FYB2: variants seen among roughly 807,000 people sequenced by gnomAD.
FYB2 encodes the protein FYN binding protein 2, also known as FYN-binding protein 2.
A neutral mutation model predicts 94.1 loss-of-function variants in FYB2; 103 were observed. The observed-to-expected ratio is 1.09, with a 90% CI of 0.93 to 1.29. The LOEUF is 1.29. Ranked by LOEUF, FYB2 falls within the 50% of genes most tolerant of loss-of-function variation. The probability of loss-of-function intolerance (pLI) is 0.00; values close to 1 mark genes in which losing one functional copy is unlikely to be tolerated. For missense variants in FYB2, 896 were observed against 841.5 expected (o/e 1.06, Z -0.80); for synonymous variants, 293 against 287.9 (o/e 1.02, Z -0.18).
At chr1:56,755,853 C>T (rs1040423665) in intron 7 of FYB2, 43 bp downstream of exon 7, 3 of 1,554,380 alleles carry the variant, frequency 1.9e-6, no homozygotes, top group East Asian at 4.5e-5. Context: ...ATCAGAAAGT[C>T]AGTGCTTGGA....
chr1:56,754,516 C>T (rs753720269), intron 7 of FYB2, among the ~76,000 whole-genome samples: 4 of 152,064 alleles, frequency 2.6e-5, no homozygotes, highest in African/African-American at 7.2e-5. Flanking sequence ...GATCTATCTC[C>T]AGTCCCTCCA....
At chr1:56,778,577 T>C (rs539776053) in intron 4 of FYB2, among the ~76,000 whole-genome samples, 2 of 152,152 alleles carry the variant, frequency 1.3e-5, no homozygotes, top group Non-Finnish European at 2.9e-5. Context: ...TGTTCTAGAA[T>C]ATAAAAATAA....
At chr1:56,817,373 T>A (rs1263661979) in intron 1 of FYB2, among the ~76,000 whole-genome samples, 1 of 152,238 alleles carries the variant, frequency 6.6e-6, no homozygotes, top group Non-Finnish European at 1.5e-5. Flanking sequence ...TCTGCTCAAA[T>A]GCCACCTTCC....
rs535904760 is a variant in FYB2, at chr1:56,765,354, C to T, written c.1063+2475G>A. Among the ~76,000 whole-genome samples, 3 of 152,252 alleles carry T rather than the reference C, an allele frequency of 2.0e-5. No homozygotes were observed. The South Asian group carries it at 6.2e-4, about 32-fold the overall frequency. On this transcript the variant is annotated intron_variant, in intron 5 of 19. Coordinates refer to ENST00000343433, the MANE Select transcript of FYB2 (RefSeq NM_001004303.5). ...GGAAGGGGAGTGAAAGTCAAAGTTC[C>T]TCACATAATCTTTATGGACACTAAG...
chr1:56,790,545 A>C (rs1230112253), intron 2 of FYB2, among the ~76,000 whole-genome samples: 2 of 152,112 alleles, frequency 1.3e-5, no homozygotes, highest in Non-Finnish European at 2.9e-5. Context: ...CTTCCCATAC[A>C]TCTTTCTTCC....
chr1:56,801,870 G>A (rs1434660192), intron 1 of FYB2, among the ~76,000 whole-genome samples: 2 of 152,198 alleles, frequency 1.3e-5, no homozygotes, highest in African/African-American at 4.8e-5. Flanking sequence ...GGCATGAAAT[G>A]TGCCTAGAAC....
At chr1:56,735,478 A>T (rs905061415) in intron 15 of FYB2, among the ~76,000 whole-genome samples, 17 of 152,118 alleles carry the variant, frequency 1.1e-4, no homozygotes, top group Non-Finnish European at 2.4e-4. Context: ...ATAGAGAGAG[A>T]TTAGTTCAGG....
intron 4 of FYB2, among the ~76,000 whole-genome samples, chr1:56,774,477 C>T (rs573326548): frequency 2.0e-5 from 3 of 152,262 alleles, no homozygotes; most frequent in Non-Finnish European, 4.4e-5. Context: ...CTACCACCAC[C>T]TTCACCACTA....
intron 15 of FYB2, among the ~76,000 whole-genome samples, chr1:56,731,148 C>T (rs1176382434): frequency 6.6e-6 from 1 of 152,006 alleles, no homozygotes; most frequent in African/African-American, 2.4e-5. Flanking sequence ...AACCAGGCTG[C>T]TGTTCCTCTG....
rs1644461910 is a variant in FYB2, at chr1:56,720,315, A to C, written c.1989T>G (p.Ile663Met). The change falls in exon 18 of 20, where the codon ATT becomes ATG. Residue 663 changes from isoleucine to methionine, a missense_variant. Transcript: ENST00000343433. ...FRERFKYDKE[I>M]IVINTAVACS... Reference sequence around the variant, plus strand: ...AGGCCACTGCTGTATTGATGACAATAATCTCTTTGTCGTACTGAAATGAGA... The same window carrying C: ...AGGCCACTGCTGTATTGATGACAATCATCTCTTTGTCGTACTGAAATGAGA... 1 of 1,602,530 alleles carries C rather than the reference A, an allele frequency of 6.2e-7. No individual in the cohort carries two copies. The highest frequency in any genetic ancestry group is 1.1e-5 in the South Asian group (1 of 88,108).
Position 56,792,211 on chromosome 1 carries a change from A to G in FYB2, c.602T>C (p.Val201Ala). ...AQTLPSQKHV[V>A]APKILHNVSE... Reference sequence around the variant, plus strand: ...GACGTTATGTAATATTTTGGGGGCCACCACGTGCTTCTGGGAAGGAAGAGT... The same window carrying G: ...GACGTTATGTAATATTTTGGGGGCCGCCACGTGCTTCTGGGAAGGAAGAGT... Residue 201 changes from valine to alanine, a missense_variant, in exon 2 of 20, where the codon GTG becomes GCG. Transcript: ENST00000343433. 1 of 1,613,988 alleles carries G rather than the reference A, an allele frequency of 6.2e-7. No individual in the cohort carries two copies. Among genetic ancestry groups the G allele is most frequent in the South Asian group, 1.1e-5 (1 of 91,034 alleles).
In FYB2 at chr1:56,788,830, T is replaced by C. The variant is rs749510387; in HGVS notation, c.919+143A>G. On this transcript the variant is annotated intron_variant, in intron 3 of 19. Transcript: ENST00000343433. ...CAGAGACATCGTTTCATGGGCAAGC[T>C]GCCACAGCCTCTAGATGAGAATAAG... 4 of 1,199,152 alleles carry C rather than the reference T, an allele frequency of 3.3e-6. No homozygotes were observed. The South Asian group carries it at 5.5e-5, about 16-fold the overall frequency. 74.3% of individuals were successfully genotyped at this position (1,199,152 alleles called of 1,614,324 possible). A position where few individuals can be genotyped will look rare whatever the true frequency, so the allele number is the denominator to read the frequency against.
chr1:56,751,093 T>A lies in FYB2; in HGVS notation c.1338A>T (p.Thr446=). The change falls in exon 9 of 20, where the codon ACA becomes ACT. Residue 446 remains threonine, a synonymous_variant. Transcript: ENST00000343433. ...KQEAMIDIIQ[T]NPCPEGPKLA... ...GCTTTGGGCCCTCAGGGCAGGGATT[T>A]GTCTGGATGATGTCAATCATGGCCT... 6.2e-7 allele frequency: 1 copy of A among 1,612,904 alleles called. No individual in the cohort carries two copies. Among genetic ancestry groups the A allele is most frequent in the Non-Finnish European group, 8.5e-7 (1 of 1,179,256 alleles).
intron 5 of FYB2, among the ~76,000 whole-genome samples, chr1:56,762,981 T>G (rs1645534786): frequency 6.6e-6 from 1 of 152,226 alleles, no homozygotes; most frequent in Non-Finnish European, 1.5e-5. Flanking sequence ...TTTGTTAAAT[T>G]ATTTTCTGCA....
intron 1 of FYB2, among the ~76,000 whole-genome samples, chr1:56,799,794 T>A (rs1646479131): frequency 6.6e-6 from 1 of 152,174 alleles, no homozygotes; most frequent in Admixed American, 6.5e-5. Context: ...TAGGTAACCC[T>A]CTCTATGTCA....
intron 9 of FYB2, among the ~76,000 whole-genome samples, chr1:56,745,566 T>A (rs897518191): frequency 2.3e-4 from 35 of 152,088 alleles, no homozygotes; most frequent in African/African-American, 8.2e-4. Flanking sequence ...TTCAAATACA[T>A]CTCAGCAATT....
intron 1 of FYB2, among the ~76,000 whole-genome samples, chr1:56,804,927 A>T (rs1339825596): frequency 6.6e-6 from 1 of 151,890 alleles, no homozygotes; most frequent in South Asian, 2.1e-4. Flanking sequence ...CCTGCCTCTA[A>T]CTCACCCCTG....
chr1:56,766,343 C>T (rs1019824406), intron 5 of FYB2, among the ~76,000 whole-genome samples: 4 of 152,174 alleles, frequency 2.6e-5, no homozygotes, highest in Admixed American at 6.5e-5. Flanking sequence ...CTTCCTATGG[C>T]TAGTATTTTA....
Position 56,723,611 on chromosome 1 carries a change from T to C in FYB2, c.1951A>G (p.Lys651Glu). The C allele has an allele frequency of 6.4e-7, 1 of 1,557,238 alleles. No individual in the cohort carries two copies. Among genetic ancestry groups the C allele is most frequent in the Non-Finnish European group, 8.8e-7 (1 of 1,134,276 alleles). ...LEKNRMKREE[K>E]LFRERFKYDK... The stretch of plus-strand genomic sequence containing the variant: ...ACCTTAAACCTTTCTCTAAATAGTT[T>C]TTCTTCTCTTTTCATTCTGTTCTTT... Residue 651 changes from lysine (K) to glutamate (E), a missense_variant, in exon 17 of 20, where the codon AAA becomes GAA. Physicochemically the swap from Lys to Glu is moderately conservative, Grantham distance 56. Transcript: ENST00000343433.
Sources: gnomAD v4.1 joint callset for allele counts (sites outside exome capture counted in the v4.1 genomes callset) on GRCh38, gnomAD v4.1.1 for gene constraint, MANE v1.5 for transcripts, NCBI Gene and HGNC (gene_info 2026-07-23, HGNC 2026-07-21) for gene names.